The following BIRC6 variants were observed in gnomAD, a reference collection of about 807,000 sequenced individuals.
The protein encoded by BIRC6 is baculoviral IAP repeat containing 6, also known as dual E2 ubiquitin-conjugating enzyme/E3 ubiquitin-protein ligase BIRC6.
BIRC6 carries 98 observed loss-of-function variants against 503.3 expected under a neutral mutation model. The observed-to-expected ratio is 0.19, with a 90% CI of 0.17 to 0.23. The LOEUF is 0.23. BIRC6 is among the 10% of genes least tolerant of loss of function. The pLI is 1.00. For synonymous variants in BIRC6, 2,240 were observed against 2,078.7 expected (o/e 1.08, Z -2.11); for missense variants, 5,360 against 5,806.0 (o/e 0.92, Z 2.50).
chr2:32,442,280 T>C (rs772465435), intron 18 of BIRC6, 44 bp from the exon 19 acceptor site: 6 of 1,607,472 alleles, frequency 3.7e-6, no homozygotes, highest in Middle Eastern at 1.7e-4. Flanking sequence ...GATGTTATGA[T>C]TGAAAGTTCA....
intron 39 of BIRC6, 73 bp from the exon 40 acceptor site, chr2:32,485,570 C>T: frequency 2.0e-6 from 2 of 993,024 alleles, no homozygotes; most frequent in South Asian, 2.9e-5. Flanking sequence ...CAGATGTCAT[C>T]ATTTTATTGT....
intron 73 of BIRC6, among the ~76,000 whole-genome samples, chr2:32,614,420 A>G (rs2063097508): frequency 6.6e-6 from 1 of 152,224 alleles, no homozygotes; most frequent in African/African-American, 2.4e-5. Flanking sequence ...TCTTGCTTAT[A>G]TCCGCATTCC....
At chr2:32,364,583 T>C (rs2034606866) in intron 1 of BIRC6, among the ~76,000 whole-genome samples, 1 of 152,114 alleles carries the variant, frequency 6.6e-6, no homozygotes, top group Non-Finnish European at 1.5e-5. Flanking sequence ...TTACATTTCT[T>C]TGTATCTTTT....
chr2:32,412,861 T>C (rs1255081631), intron 9 of BIRC6, among the ~76,000 whole-genome samples: 1 of 152,178 alleles, frequency 6.6e-6, no homozygotes, highest in Non-Finnish European at 1.5e-5. Flanking sequence ...CTCTCTTTGG[T>C]TTAGAATTGA....
At chr2:32,611,606 G>A in intron 73 of BIRC6, 24 bp downstream of exon 73, 1 of 1,525,210 alleles carries the variant, frequency 6.6e-7, no homozygotes, top group Non-Finnish European at 8.8e-7. Flanking sequence ...TCTAACAGGA[G>A]CCTTGTTGCT....
At chr2:32,606,513 G>GA (rs1482503814) in intron 71 of BIRC6, among the ~76,000 whole-genome samples, 1 of 152,024 alleles carries the variant, frequency 6.6e-6, no homozygotes, top group East Asian at 1.9e-4. Flanking sequence ...GAATCACTTG[G>GA]ACCCAGGAGA....
At chr2:32,482,674 G>C in intron 39 of BIRC6, 92 bp downstream of exon 39, 1 of 1,352,628 alleles carries the variant, frequency 7.4e-7, no homozygotes, top group South Asian at 1.4e-5. Context: ...TTGAGCCTGG[G>C]TGTATGCCAG....
intron 10 of BIRC6, among the ~76,000 whole-genome samples, chr2:32,425,098 ATT>A (rs34234967): frequency 5.4e-5 from 8 of 147,786 alleles, no homozygotes; most frequent in Admixed American, 6.7e-5. Context: ...CCACTTTTGA[ATT>A]TTTTTTTTTT....
Position 32,515,086 on chromosome 2 carries a change from C to A in BIRC6, c.10665C>A (p.Asn3555Lys), listed in dbSNP as rs2054887242. ...GCTCAATGTGTCACGTACACCCAAA[C>A]TATTTTTCTTTGCTCATGGGCTGGA... ...LLCSMCHVHP[N>K]YFSLLMGWMG... Residue 3555 changes from asparagine (N) to lysine (K), a missense_variant, in exon 55 of 74, where the codon AAC (asparagine) becomes AAA (lysine). Physicochemically the swap from Asn to Lys is moderately conservative, Grantham distance 94. Coordinates refer to ENST00000421745, the MANE Select transcript of BIRC6 (RefSeq NM_016252.4). The A allele has an allele frequency of 6.2e-7, 1 of 1,613,850 alleles. No individual in the cohort carries two copies. Among genetic ancestry groups the A allele is most frequent in the Admixed American group, 1.7e-5 (1 of 60,004 alleles).
At chr2:32,557,899 G>A (rs1402354532) in intron 65 of BIRC6, 1 of 152,136 alleles carries the variant, frequency 6.6e-6, no homozygotes, top group Non-Finnish European at 1.5e-5. Flanking sequence ...TGATTGTGAA[G>A]CAAATTGCTA....
rs1421984486 is a variant in BIRC6 at position 32,401,213 on chromosome 2, A to G, written c.1085A>G (p.His362Arg). The change falls in exon 7 of 74, where the codon CAC becomes CGC. Residue 362 changes from histidine to arginine, a missense_variant. His to Arg is a conservative substitution (Grantham distance 29). Transcript: ENST00000421745. The stretch of plus-strand genomic sequence containing the variant: ...AACTGCCCATTTGTGAAAGGTGAGC[A>G]CACACAGAATGTGCCATTGTCAGTC... ...SPNCPFVKGEHTQNVPLSVTL... is the reference protein window; with the variant it reads ...SPNCPFVKGERTQNVPLSVTL... The G allele has an allele frequency of 1.2e-6, 2 of 1,613,958 alleles. No homozygotes were observed. The highest frequency in any genetic ancestry group is 1.7e-6 in the Non-Finnish European group (2 of 1,179,904).
intron 23 of BIRC6, among the ~76,000 whole-genome samples, chr2:32,462,724 G>A (rs953022391): frequency 6.6e-6 from 1 of 152,168 alleles, no homozygotes; most frequent in Non-Finnish European, 1.5e-5. Context: ...GGGAGGCCAA[G>A]GCTAGTGGAT....
Position 32,508,042 on chromosome 2 carries a change from A to G in BIRC6, c.9763A>G (p.Thr3255Ala), listed in dbSNP as rs775575511. The change falls in exon 51 of 74, where the codon ACT becomes GCT. Residue 3255 changes from threonine (T) to alanine (A), a missense_variant. Thr to Ala is a moderately conservative substitution (Grantham distance 58, BLOSUM62 0). Coordinates refer to ENST00000421745, the MANE Select transcript of BIRC6 (RefSeq NM_016252.4). ...TGGGGTAAATATGCTACCTTTGTCCACTCCTGTTGTCACAAGTGGCCTCAC... is the reference window on the plus strand; with the variant it reads ...TGGGGTAAATATGCTACCTTTGTCCGCTCCTGTTGTCACAAGTGGCCTCAC... ...ADGVNMLPLS[T>A]PVVTSGLTYI... 1.9e-6 allele frequency: 3 copies of G among 1,613,554 alleles called. No homozygotes were observed. Among genetic ancestry groups the G allele is most frequent in the Non-Finnish European group, 2.5e-6 (3 of 1,179,840 alleles).
intron 9 of BIRC6, among the ~76,000 whole-genome samples, chr2:32,406,787 G>A (rs1558640387): frequency 2.0e-5 from 3 of 152,228 alleles, no homozygotes; most frequent in South Asian, 4.1e-4. Flanking sequence ...GAATTACAGT[G>A]GATAGTTACG....
At chr2:32,570,288 GTTGT>G (rs2059829426) in intron 65 of BIRC6, among the ~76,000 whole-genome samples, 3 of 151,430 alleles carry the variant, frequency 2.0e-5, no homozygotes, top group African/African-American at 4.8e-5. Context: ...TCTTTTTTTT[GTTGT>G]TTATTTTTTA....
Position 32,480,662 on chromosome 2 carries a change from A to C in BIRC6, c.7409-658A>C, listed in dbSNP as rs1174138082. On this transcript the variant is annotated intron_variant, in intron 37 of 73. Transcript: ENST00000421745. ...TTTTTTTTTTTTTTTTTTTTTTGAG[A>C]CGGAGTCTTGCTCTTGTCACCCAGG... 6.5e-5 allele frequency among the ~76,000 whole-genome samples: 4 copies of C among 61,852 alleles called. No homozygotes were observed. In the Admixed American group the frequency reaches 9.5e-4, roughly 15 times the overall value. The allele number at this position is 61,852 out of a possible 152,430, so 40.6% of individuals were successfully genotyped here.
At chr2:32,404,821 C>A (rs1233025350) in intron 8 of BIRC6, among the ~76,000 whole-genome samples, 1 of 151,918 alleles carries the variant, frequency 6.6e-6, no homozygotes, top group African/African-American at 2.4e-5. Flanking sequence ...ACCACCATGC[C>A]CAGCTAATTT....
chr2:32,537,406 A>C (rs1396988352), intron 61 of BIRC6, among the ~76,000 whole-genome samples: 2 of 152,186 alleles, frequency 1.3e-5, no homozygotes, highest in Non-Finnish European at 2.9e-5. Flanking sequence ...AATAATAACA[A>C]ACTGTCTCTC....
intron 1 of BIRC6, among the ~76,000 whole-genome samples, chr2:32,369,115 G>A (rs953167178): frequency 6.6e-6 from 1 of 152,174 alleles, no homozygotes; most frequent in Non-Finnish European, 1.5e-5. Context: ...GATAGCATCA[G>A]TACAGATATC....
Sources: allele counts gnomAD v4.1 joint callset (sites outside exome capture counted in the v4.1 genomes callset), GRCh38; gene constraint gnomAD v4.1.1; transcripts MANE v1.5; gene names NCBI Gene and HGNC (gene_info 2026-07-23, HGNC 2026-07-21).